ADAMTSL3: variants seen among roughly 807,000 people sequenced by gnomAD.
ADAMTSL3 encodes the protein ADAMTS-like protein 3.
In ADAMTSL3, 128 loss-of-function variants were observed where a neutral mutation model predicts 201.7. The observed-to-expected ratio is 0.63, with a 90% CI of 0.55 to 0.73. ADAMTSL3 has a LOEUF of 0.73. ADAMTSL3 is among the 30% of genes least tolerant of loss of function. The pLI, the probability that ADAMTSL3 is intolerant of heterozygous loss-of-function variation, is 0.00. For missense variants in ADAMTSL3, 1,990 were observed against 2,119.6 expected, an observed-to-expected ratio of 0.94 and a Z score of 1.20; for synonymous variants, 738 against 748.4, an observed-to-expected ratio of 0.99 and a Z score of 0.23.
chr15:83,858,641 A>G (rs1400009184), intron 7 of ADAMTSL3, 125 bp from the exon 8 acceptor site: 14 of 706,280 alleles, frequency 2.0e-5, no homozygotes, highest in Non-Finnish European at 3.0e-5. Context: ...CTGAAGTGCT[A>G]GGATTACAGA....
intron 3 of ADAMTSL3, among the ~76,000 whole-genome samples, chr15:83,749,996 C>G (rs145412914): frequency 1.3e-5 from 2 of 152,296 alleles, no homozygotes; most frequent in East Asian, 3.9e-4. Context: ...ACTGCGTGCT[C>G]ATTGAAAGAT....
intron 2 of ADAMTSL3, among the ~76,000 whole-genome samples, chr15:83,702,712 A>G (rs972355303): frequency 6.6e-6 from 1 of 152,210 alleles, no homozygotes. Context: ...GGTTGTATGG[A>G]AACACCTGGA....
At chr15:84,028,077 G>A (rs558467226) in intron 27 of ADAMTSL3, among the ~76,000 whole-genome samples, 9 of 152,300 alleles carry the variant, frequency 5.9e-5, no homozygotes, top group Non-Finnish European at 1.0e-4. Context: ...AATGGTTGCC[G>A]AGGCTTGGGG....
chr15:84,033,347 C>T (rs147861465), intron 28 of ADAMTSL3, among the ~76,000 whole-genome samples: 1 of 152,138 alleles, frequency 6.6e-6, no homozygotes, highest in African/African-American at 2.4e-5. Context: ...TTGACCAAAT[C>T]CTCAATGTGA....
chr15:83,880,209 G>T (rs958054971), intron 9 of ADAMTSL3, among the ~76,000 whole-genome samples: 21 of 152,104 alleles, frequency 1.4e-4, no homozygotes, highest in African/African-American at 5.1e-4. Flanking sequence ...TATCTCTTCA[G>T]ATTAACTTCT....
intron 17 of ADAMTSL3, among the ~76,000 whole-genome samples, chr15:83,939,182 A>G (rs61378395): frequency 0.24 from 36,231 of 151,850 alleles, 4,922 homozygotes; most frequent in East Asian, 0.33. Flanking sequence ...GATTGCTAAT[A>G]TTTTATTTAG....
At chr15:83,741,377 C>T (rs1320918964) in intron 3 of ADAMTSL3, among the ~76,000 whole-genome samples, 1 of 151,982 alleles carries the variant, frequency 6.6e-6, no homozygotes, top group Non-Finnish European at 1.5e-5. Context: ...CAGTCATTAA[C>T]AGATTGTGGA....
intron 2 of ADAMTSL3, among the ~76,000 whole-genome samples, chr15:83,663,755 C>T (rs996248957): frequency 6.6e-6 from 1 of 152,170 alleles, no homozygotes; most frequent in Non-Finnish European, 1.5e-5. Context: ...GATCTTGGGT[C>T]GTCTTGGATG....
chr15:84,036,908 C>G lies in ADAMTSL3; in HGVS notation c.4890C>G (p.Cys1630Trp). 1 of 1,614,128 alleles carries G rather than the reference C, an allele frequency of 6.2e-7. No individual in the cohort carries two copies. The highest frequency in any genetic ancestry group is 8.5e-7 in the Non-Finnish European group (1 of 1,180,008). Residue 1630 changes from cysteine (C) to tryptophan (W), a missense_variant, in exon 29 of 30, where the codon TGC (cysteine) becomes TGG (tryptophan). By Grantham distance (215) the Cys-to-Trp change is radical. Transcript: ENST00000286744. ...RKVDCIHTRS[C>W]KPVAKRHCVQ... ...TCGACTGTATCCACACAAGGAGTTG[C>G]AAACCTGTGGCCAAGAGACACTGTG...
rs563711863 is a variant in ADAMTSL3 at position 83,963,551 on chromosome 15, C to T, written c.2491-6933C>T. Reference sequence around the variant, plus strand: ...ACTCCCATCTCCCTGGGACAGAGTACCTGGGGGAAGGGGCAGCTGTGGGTG... The same window carrying T: ...ACTCCCATCTCCCTGGGACAGAGTATCTGGGGGAAGGGGCAGCTGTGGGTG... On this transcript the variant is annotated intron_variant, in intron 19 of 29. Transcript: ENST00000286744. Among the ~76,000 whole-genome samples the T allele has an allele frequency of 3.9e-5, 6 of 152,232 alleles. 1 individual carries two copies. In the South Asian group the frequency reaches 6.2e-4, roughly 16 times the overall value.
rs192843144 is a variant in ADAMTSL3 at position 83,747,773 on chromosome 15, T to G, written c.190-25750T>G. 3.3e-5 allele frequency among the ~76,000 whole-genome samples: 5 copies of G among 152,116 alleles called. No individual in the cohort carries two copies. In the East Asian group the frequency reaches 9.7e-4, roughly 29 times the overall value. ...AAGACAAACCGATGTCTCCCAAACA[T>G]CCATTGCTCTCTGTGAGAAAGAAAC... is the stretch of plus-strand genomic sequence containing the variant. On this transcript the variant is annotated intron_variant, in intron 3 of 29. Coordinates refer to ENST00000286744, the MANE Select transcript of ADAMTSL3 (RefSeq NM_207517.3).
intron 2 of ADAMTSL3, among the ~76,000 whole-genome samples, chr15:83,664,895 G>A (rs901169414): frequency 6.6e-6 from 1 of 152,134 alleles, no homozygotes; most frequent in Non-Finnish European, 1.5e-5. Context: ...TGGGAGGGTC[G>A]CTTAAGCCCA....
intron 14 of ADAMTSL3, 66 bp downstream of exon 14, chr15:83,898,071 A>T: frequency 6.7e-7 from 1 of 1,500,952 alleles, no homozygotes; most frequent in Non-Finnish European, 9.0e-7. Flanking sequence ...CCAATATTGT[A>T]GCATTTCCCT....
At chr15:84,032,585 G>C (rs934791559) in intron 28 of ADAMTSL3, among the ~76,000 whole-genome samples, 1 of 152,022 alleles carries the variant, frequency 6.6e-6, no homozygotes, top group Non-Finnish European at 1.5e-5. Flanking sequence ...ATACATACAT[G>C]GGTCACATAC....
intron 3 of ADAMTSL3, among the ~76,000 whole-genome samples, chr15:83,746,161 G>GA (rs2062543564): frequency 9.7e-6 from 1 of 103,032 alleles, no homozygotes; most frequent in African/African-American, 3.6e-5. Context: ...AGGAAGAAAG[G>GA]AGAGAAGAGG....
intron 8 of ADAMTSL3, chr15:83,862,923 A>C (rs1443247623): frequency 1.3e-5 from 2 of 152,212 alleles, no homozygotes; most frequent in African/African-American, 4.8e-5. Flanking sequence ...GGATGGAGGA[A>C]GACCTACCAA....
chr15:83,686,765 A>G (rs2061542175), intron 2 of ADAMTSL3, among the ~76,000 whole-genome samples: 1 of 152,214 alleles, frequency 6.6e-6, no homozygotes, highest in South Asian at 2.1e-4. Flanking sequence ...GACTTAAATC[A>G]GTGCCTTTCC....
At chr15:83,885,855 G>A (rs563023714) in intron 10 of ADAMTSL3, among the ~76,000 whole-genome samples, 40 of 152,136 alleles carry the variant, frequency 2.6e-4, no homozygotes, top group African/African-American at 9.6e-4. Context: ...CTCCTGAGTA[G>A]CTGGGATTAC....
intron 2 of ADAMTSL3, among the ~76,000 whole-genome samples, chr15:83,659,636 T>C (rs1313118193): frequency 1.3e-5 from 2 of 152,218 alleles, no homozygotes; most frequent in Admixed American, 1.3e-4. Context: ...GATATGTCCA[T>C]GTCCTAATCC....
Sources: gnomAD v4.1 joint callset for allele counts (sites outside exome capture counted in the v4.1 genomes callset) on GRCh38, gnomAD v4.1.1 for gene constraint, MANE v1.5 for transcripts, NCBI Gene and HGNC (gene_info 2026-07-23, HGNC 2026-07-21) for gene names.